The following TACC2 variants were observed in gnomAD, a reference collection of about 807,000 sequenced individuals.
TACC2 encodes the protein transforming acidic coiled-coil-containing protein 2.
In TACC2, 137 loss-of-function variants were observed where a neutral mutation model predicts 227.3. The observed-to-expected ratio is 0.60, with a 90% CI of 0.52 to 0.69. The LOEUF (loss-of-function observed/expected upper bound fraction) is 0.69, where lower values mean the gene tolerates loss of function less well. TACC2 is among the 30% of genes least tolerant of loss of function. The pLI is 0.00. For missense variants in TACC2, 3,470 were observed against 3,694.4 expected (o/e 0.94, Z 1.57); for synonymous variants, 1,523 against 1,487.5 (o/e 1.02, Z -0.55).
chr10:122,005,134 T>G (rs1590934473), intron 1 of TACC2, among the ~76,000 whole-genome samples: 1 of 149,320 alleles, frequency 6.7e-6, no homozygotes. Flanking sequence ...CAGGCTGGAG[T>G]GCAATGGTGC....
intron 3 of TACC2, among the ~76,000 whole-genome samples, chr10:122,054,382 A>T (rs942678541): frequency 3.3e-5 from 5 of 152,210 alleles, no homozygotes; most frequent in Admixed American, 2.0e-4. Flanking sequence ...TCTGCTCAGC[A>T]GTGTCCATGC....
intron 7 of TACC2, among the ~76,000 whole-genome samples, chr10:122,157,113 A>G (rs2092539510): frequency 1.3e-5 from 2 of 152,198 alleles, no homozygotes; most frequent in African/African-American, 4.8e-5. Flanking sequence ...CCCTGTCTCA[A>G]ATAAAATACA....
chr10:122,056,914 G>C (rs2076266562), intron 3 of TACC2, among the ~76,000 whole-genome samples: 1 of 152,208 alleles, frequency 6.6e-6, no homozygotes, highest in African/African-American at 2.4e-5. Flanking sequence ...GGGCTGGGCT[G>C]GGCACAGTGA....
intron 3 of TACC2, among the ~76,000 whole-genome samples, chr10:122,068,305 C>A (rs1019971072): frequency 1.3e-4 from 20 of 152,050 alleles, no homozygotes; most frequent in African/African-American, 4.6e-4. Context: ...TGTGTAATTT[C>A]TTGGTTCAAG....
At chr10:122,074,672 C>T (rs1227661895) in intron 3 of TACC2, among the ~76,000 whole-genome samples, 9 of 152,082 alleles carry the variant, frequency 5.9e-5, no homozygotes, top group Admixed American at 5.9e-4. Flanking sequence ...TGACCATTCA[C>T]AACCACACAG....
chr10:122,025,407 C>T (rs1378055152), intron 2 of TACC2, among the ~76,000 whole-genome samples: 1 of 151,322 alleles, frequency 6.6e-6, no homozygotes, highest in Non-Finnish European at 1.5e-5. Flanking sequence ...ATTACACGCG[C>T]ATGCCACCAT....
chr10:122,230,287 T>C, intron 15 of TACC2, 64 bp from the exon 16 acceptor site: 1 of 1,383,570 alleles, frequency 7.2e-7, no homozygotes, highest in Non-Finnish European at 1.0e-6. Flanking sequence ...TTCTCGGATG[T>C]GGAAACCATT....
At chr10:122,051,765 C>CTTTTTTTTTTTTTTTT (rs56185263) in intron 3 of TACC2, 1 of 122,460 alleles carries the variant, frequency 8.2e-6, no homozygotes, top group African/African-American at 3.3e-5. Context: ...CTCAAAGTGA[C>CTTTTTTTTTTTTTTTT]TTTTTTTTTT....
chr10:122,130,482 A>G (rs527298493), intron 5 of TACC2, among the ~76,000 whole-genome samples: 1 of 152,012 alleles, frequency 6.6e-6, no homozygotes, highest in African/African-American at 2.4e-5. Context: ...GGGTCACCCT[A>G]TGCTTCCCAG....
intron 7 of TACC2, among the ~76,000 whole-genome samples, chr10:122,192,277 C>T (rs557304319): frequency 7.5e-4 from 114 of 152,274 alleles, no homozygotes; most frequent in Non-Finnish European, 1.3e-3. Context: ...CCACACAGGG[C>T]GATCGTGAAC....
intron 2 of TACC2, among the ~76,000 whole-genome samples, chr10:122,037,286 G>A (rs1960713315): frequency 6.6e-6 from 1 of 152,246 alleles, no homozygotes; most frequent in Non-Finnish European, 1.5e-5. Context: ...GCTCAGTTTT[G>A]TAGGTCCCAA....
intron 9 of TACC2, chr10:122,213,364 G>C (rs756660624): frequency 1.2e-6 from 2 of 1,612,114 alleles, no homozygotes; most frequent in African/African-American, 2.7e-5. Flanking sequence ...TGTGATGTCT[G>C]TGTGTTCTCT....
At chr10:122,208,517 G>A (rs975428731) in intron 8 of TACC2, among the ~76,000 whole-genome samples, 9 of 152,336 alleles carry the variant, frequency 5.9e-5, no homozygotes, top group African/African-American at 1.9e-4. Context: ...GGGGTTAATT[G>A]TGCATTTCCC....
chr10:122,007,947 T>A (rs1955391255), intron 1 of TACC2, among the ~76,000 whole-genome samples: 1 of 152,160 alleles, frequency 6.6e-6, no homozygotes, highest in African/African-American at 2.4e-5. Flanking sequence ...TACTCTAGCC[T>A]CTTGCCATGT....
In TACC2 at chr10:122,209,262, A is replaced by G. The variant is rs542398117; in HGVS notation, c.5972-1135A>G. ...CAGGTGGCAGACAGCAAGTGCTACT[A>G]CAGGTGCCGGGGGCCTCCGTGTACA... On this transcript the variant is annotated intron_variant, in intron 8 of 22. Coordinates refer to ENST00000369005, the MANE Select transcript of TACC2 (RefSeq NM_206862.4). The surrounding 1 kb of genome is among the most constrained non-coding windows in gnomAD (Gnocchi z 4.5). 2.0e-5 allele frequency among the ~76,000 whole-genome samples: 3 copies of G among 152,318 alleles called. No homozygotes were observed. The highest frequency in any genetic ancestry group is 2.1e-4 in the South Asian group (1 of 4,830).
At position 122,132,589 on chromosome 10, in the gene TACC2, T is replaced by C. The variant is rs770538471; in HGVS notation, c.5574-20T>C. The C allele has an allele frequency of 1.1e-5, 17 of 1,613,898 alleles. No individual in the cohort carries two copies. Among genetic ancestry groups the C allele is most frequent in the Non-Finnish European group, 1.4e-5 (17 of 1,179,890 alleles). ...TAGGAATGTTTCTGAGTTTAGGTTC[T>C]TTCCCTTTTCTCTCCCCAGTTCACC... is the stretch of plus-strand genomic sequence containing the variant. On this transcript the variant is annotated intron_variant, in intron 5 of 22. Coordinates refer to ENST00000369005, the MANE Select transcript of TACC2 (RefSeq NM_206862.4).
Position 122,194,084 on chromosome 10 carries a change from A to AT in TACC2, c.5835-950dup, listed in dbSNP as rs1593171180. On this transcript the variant is annotated intron_variant, in intron 7 of 22. Transcript: ENST00000369005. The surrounding 1 kb of genome is among the most constrained non-coding windows in gnomAD (Gnocchi z 4.4). ...AGGCACATGCCACCAAGCCTGGGTAATTTTTTATTTTTATCTTTTTATAGA... is the reference window on the plus strand; with the variant it reads ...AGGCACATGCCACCAAGCCTGGGTAATTTTTTTATTTTTATCTTTTTATAGA... 6.6e-6 allele frequency among the ~76,000 whole-genome samples: 1 copy of AT among 152,012 alleles called. No homozygotes were observed. Among genetic ancestry groups the AT allele is most frequent in the East Asian group, 1.9e-4 (1 of 5,176 alleles).
chr10:122,204,846 G>A (rs921832999), intron 8 of TACC2, among the ~76,000 whole-genome samples: 2 of 151,528 alleles, frequency 1.3e-5, no homozygotes, highest in Admixed American at 6.6e-5. Context: ...AAAAAATGAC[G>A]TGTGGCATGC....
chr10:122,058,501 C>T (rs930519153), intron 3 of TACC2, among the ~76,000 whole-genome samples: 2 of 152,148 alleles, frequency 1.3e-5, no homozygotes, highest in Admixed American at 1.3e-4. Flanking sequence ...CTCCACCTCC[C>T]GGGTTCAAGT....
Sources: allele counts gnomAD v4.1 joint callset (sites outside exome capture counted in the v4.1 genomes callset), GRCh38; gene constraint gnomAD v4.1.1; non-coding constraint Gnocchi (gnomAD v3.1); transcripts MANE v1.5; gene names NCBI Gene and HGNC (gene_info 2026-07-23, HGNC 2026-07-21).